RAD51B: variants seen among roughly 807,000 people sequenced by gnomAD.
The protein encoded by RAD51B is RAD51 paralog B.
A neutral mutation model predicts 42.2 loss-of-function variants in RAD51B; 38 were observed. That is an observed-to-expected ratio of 0.90 (90% CI 0.70 to 1.18). The LOEUF (loss-of-function observed/expected upper bound fraction) is 1.18. Ranked by LOEUF, RAD51B falls within the 50% of genes most tolerant of loss-of-function variation. The pLI, the probability that RAD51B is intolerant of heterozygous loss-of-function variation, is 0.00. For synonymous variants in RAD51B, 154 were observed against 145.2 expected (o/e 1.06, Z -0.43); for missense variants, 373 against 400.7 (o/e 0.93, Z 0.59).
intron 7 of RAD51B, among the ~76,000 whole-genome samples, chr14:68,260,297 C>CTG (rs763590538): frequency 1.1e-4 from 2 of 18,168 alleles, no homozygotes; most frequent in African/African-American, 3.8e-4. Flanking sequence ...GGCTGAGAGA[C>CTG]CGTGTGTGTG....
intron 7 of RAD51B, among the ~76,000 whole-genome samples, chr14:68,139,715 T>G (rs542578658): frequency 9.2e-5 from 14 of 152,218 alleles, no homozygotes; most frequent in Admixed American, 2.0e-4. Flanking sequence ...TGACTCCTGA[T>G]GAGTTAATAT....
chr14:68,337,235 G>A (rs189801079), intron 8 of RAD51B, among the ~76,000 whole-genome samples: 3 of 147,754 alleles, frequency 2.0e-5, no homozygotes, highest in South Asian at 2.2e-4. Context: ...CTAGCCCATC[G>A]CAACCTGTAA....
intron 10 of RAD51B, among the ~76,000 whole-genome samples, chr14:68,525,496 G>A (rs1886864883): frequency 6.6e-6 from 1 of 152,186 alleles, no homozygotes; most frequent in South Asian, 2.1e-4. Flanking sequence ...GAAAATCATG[G>A]TGGTCACCTT....
chr14:68,096,298 G>A (rs57113702), intron 7 of RAD51B, among the ~76,000 whole-genome samples: 2 of 152,112 alleles, frequency 1.3e-5, no homozygotes, highest in Non-Finnish European at 2.9e-5. Context: ...TGAGTACTTC[G>A]AACTCTCTGC....
intron 10 of RAD51B, among the ~76,000 whole-genome samples, chr14:68,487,365 T>C (rs989379800): frequency 2.0e-5 from 3 of 152,176 alleles, no homozygotes; most frequent in Non-Finnish European, 4.4e-5. Flanking sequence ...ATCTTCTTGC[T>C]TTTTATTTTC....
chr14:68,671,681 G>A (rs889774276), intron 11 of RAD51B, among the ~76,000 whole-genome samples: 30 of 151,948 alleles, frequency 2.0e-4, no homozygotes, highest in African/African-American at 6.3e-4. Flanking sequence ...TGTATGTTCT[G>A]TTTCAGATAT....
At chr14:67,864,777 A>G (rs1343958729) in intron 4 of RAD51B, 3 of 721,386 alleles carry the variant, frequency 4.2e-6, no homozygotes, top group South Asian at 1.5e-5. Flanking sequence ...TATTTTCTCA[A>G]TTCCTCCAAG....
chr14:68,640,573 G>A (rs922104164), intron 10 of RAD51B, among the ~76,000 whole-genome samples: 3 of 152,330 alleles, frequency 2.0e-5, no homozygotes, highest in Non-Finnish European at 4.4e-5. Context: ...CTCTGGTAGG[G>A]CTGAAGACAC....
chr14:67,886,191 TTTAA>T (rs1254430736), intron 6 of RAD51B, among the ~76,000 whole-genome samples: 4 of 152,230 alleles, frequency 2.6e-5, no homozygotes, highest in East Asian at 3.8e-4. Flanking sequence ...ATGTTCTGTA[TTTAA>T]TTAATTAAGT....
At chr14:68,583,185 C>G (rs1370707338) in intron 10 of RAD51B, among the ~76,000 whole-genome samples, 1 of 152,120 alleles carries the variant, frequency 6.6e-6, no homozygotes, top group African/African-American at 2.4e-5. Context: ...AAATGTCCTG[C>G]CTCAGCTGGT....
rs542441980 is a variant in RAD51B at position 68,102,484 on chromosome 14, A to G, written c.757-189400A>G. On this transcript the variant is annotated intron_variant, in intron 7 of 10. Coordinates refer to ENST00000471583, the MANE Select transcript of RAD51B (RefSeq NM_133510.4). The stretch of plus-strand genomic sequence containing the variant: ...TCCACCAGTCTGTTTTCTAAAGCAT[A>G]ACAAGAGTCAACTTTGCTCCATTTC... Among the ~76,000 whole-genome samples the G allele has an allele frequency of 1.6e-4, 25 of 152,276 alleles. 1 individual carries two copies. The highest frequency in any genetic ancestry group is 3.1e-4 in the Non-Finnish European group (21 of 68,008).
At chr14:68,020,292 G>T (rs1416774062) in intron 7 of RAD51B, among the ~76,000 whole-genome samples, 1 of 151,724 alleles carries the variant, frequency 6.6e-6, no homozygotes, top group African/African-American at 2.4e-5. Context: ...TATATTTTTC[G>T]TAGAGCCCAG....
At chr14:68,460,161 C>T (rs3784123) in intron 9 of RAD51B, among the ~76,000 whole-genome samples, 103 of 151,990 alleles carry the variant, frequency 6.8e-4, no homozygotes, top group Non-Finnish European at 6.6e-4. Context: ...TCTATAAAAG[C>T]AGCCTCCAGG....
intron 7 of RAD51B, among the ~76,000 whole-genome samples, chr14:68,154,149 A>T (rs924711156): frequency 3.9e-5 from 6 of 152,176 alleles, no homozygotes; most frequent in African/African-American, 1.4e-4. Flanking sequence ...ATTAGATACC[A>T]GACATTGTGA....
intron 10 of RAD51B, among the ~76,000 whole-genome samples, chr14:68,553,655 A>G (rs565943981): frequency 7.0e-6 from 1 of 142,592 alleles, no homozygotes; most frequent in Admixed American, 7.5e-5. Context: ...AATAGAGGCC[A>G]TTAGCACAGA....
At chr14:67,945,951 G>C (rs1294583932) in intron 7 of RAD51B, among the ~76,000 whole-genome samples, 2 of 152,172 alleles carry the variant, frequency 1.3e-5, no homozygotes, top group East Asian at 3.8e-4. Context: ...GTTGTAACTA[G>C]ACTTTATCAA....
At chr14:68,634,496 A>T (rs975026696) in intron 10 of RAD51B, among the ~76,000 whole-genome samples, 7 of 151,384 alleles carry the variant, frequency 4.6e-5, no homozygotes, top group African/African-American at 1.7e-4. Context: ...TTTGCCTCCC[A>T]CTCCCCTTAG....
intron 10 of RAD51B, among the ~76,000 whole-genome samples, chr14:68,510,477 G>A (rs1371668995): frequency 1.3e-5 from 2 of 152,216 alleles, no homozygotes; most frequent in East Asian, 1.9e-4. Context: ...CCAAGGCAGC[G>A]GCCAGCCTCT....
At chr14:68,504,714 C>T (rs1376707281) in intron 10 of RAD51B, among the ~76,000 whole-genome samples, 1 of 97,992 alleles carries the variant, frequency 1.0e-5, no homozygotes, top group Non-Finnish European at 1.9e-5. Flanking sequence ...TCATTCATTT[C>T]CTGGCTTAAA....
Sources: gnomAD v4.1 joint callset for allele counts (sites outside exome capture counted in the v4.1 genomes callset) on GRCh38, gnomAD v4.1.1 for gene constraint, MANE v1.5 for transcripts, NCBI Gene and HGNC (gene_info 2026-07-23, HGNC 2026-07-21) for gene names.